Variants in PMM2 observed in about 807,000 individuals in gnomAD.
PMM2 encodes the protein mannose-6-phosphate isomerase.
In PMM2, 35 loss-of-function variants were observed where a neutral mutation model predicts 33.2. That is an observed-to-expected ratio of 1.06 (90% CI 0.81 to 1.40). PMM2 has a LOEUF of 1.40. Ranked by LOEUF, PMM2 falls within the 40% of genes most tolerant of loss-of-function variation. PMM2 has a pLI of 0.00. For missense variants in PMM2, 386 were observed against 306.0 expected (o/e 1.26, Z -1.95); for synonymous variants, 153 against 114.7 (o/e 1.33, Z -2.13).
intron 7 of PMM2, among the ~76,000 whole-genome samples, chr16:8,814,675 A>C (rs911051424): frequency 1.3e-5 from 2 of 152,204 alleles, no homozygotes; most frequent in Admixed American, 6.5e-5. Flanking sequence ...CACCAGAAGA[A>C]GTCTACCTGT....
intron 7 of PMM2, among the ~76,000 whole-genome samples, chr16:8,843,229 C>T (rs920688213): frequency 4.6e-5 from 7 of 152,086 alleles, no homozygotes; most frequent in African/African-American, 9.7e-5. Flanking sequence ...AAGAAGGCAA[C>T]ATGGAGTGGG....
intron 7 of PMM2, among the ~76,000 whole-genome samples, chr16:8,823,629 C>A (rs2060750378): frequency 1.4e-5 from 2 of 141,430 alleles, no homozygotes; most frequent in South Asian, 4.2e-4. Context: ...AACTTTGTTC[C>A]ATAAGAAATC....
rs892985576 is a variant in PMM2, at chr16:8,827,476, G to T, written c.639+14370G>T. Among the ~76,000 whole-genome samples, 24 of 150,028 alleles carry T rather than the reference G, an allele frequency of 1.6e-4. 1 individual carries two copies. Among genetic ancestry groups the T allele is most frequent in the Non-Finnish European group, 4.4e-5 (3 of 67,704 alleles). On this transcript the variant is annotated intron_variant, in intron 7 of 7. Coordinates refer to ENST00000268261, the MANE Select transcript of PMM2 (RefSeq NM_000303.3). ...AATGGCATGATCTAAGCTCACTGCA[G>T]CCTCTGCCTCCCGGGTTCAAGTGAT...
chr16:8,840,203 G>T (rs1423749699), intron 7 of PMM2, among the ~76,000 whole-genome samples: 1 of 151,790 alleles, frequency 6.6e-6, no homozygotes, highest in East Asian at 1.9e-4. Context: ...GAGAGGTAGA[G>T]GGTGGCATAA....
rs138488723 is a variant in PMM2, at chr16:8,810,390, C to A, written c.348-689C>A. The A allele has an allele frequency of 3.4e-4, 52 of 152,454 alleles. No homozygotes were observed. The East Asian group carries it at 9.6e-3, about 28-fold the overall frequency. 9.4% of individuals were successfully genotyped at this position (152,454 alleles called of 1,614,324 possible). On this transcript the variant is annotated intron_variant, in intron 4 of 7. Transcript: ENST00000268261. ...GACTGCTGTTGCCAGTGCTGGAAATCATTTTCATAGCTCTTTATTAACCAC... is the reference window on the plus strand; with the variant it reads ...GACTGCTGTTGCCAGTGCTGGAAATAATTTTCATAGCTCTTTATTAACCAC...
At chr16:8,821,883 C>G (rs2060741289) in intron 7 of PMM2, among the ~76,000 whole-genome samples, 1 of 152,260 alleles carries the variant, frequency 6.6e-6, no homozygotes, top group Non-Finnish European at 1.5e-5. Flanking sequence ...CCCAGGGACT[C>G]TAGCCAGGGA....
chr16:8,813,997 C>T (rs1036890292), intron 7 of PMM2, among the ~76,000 whole-genome samples: 1 of 151,054 alleles, frequency 6.6e-6, no homozygotes, highest in African/African-American at 2.4e-5. Flanking sequence ...CTCCTGAGTA[C>T]CTGATATTAC....
intron 7 of PMM2, among the ~76,000 whole-genome samples, chr16:8,845,427 G>C (rs143261492): frequency 6.6e-6 from 1 of 152,244 alleles, no homozygotes; most frequent in African/African-American, 2.4e-5. Context: ...TAGGGGATGC[G>C]ATGGCTTGGC....
At chr16:8,837,950 T>A (rs1432932852) in intron 7 of PMM2, among the ~76,000 whole-genome samples, 1 of 151,974 alleles carries the variant, frequency 6.6e-6, no homozygotes, top group East Asian at 1.9e-4. Context: ...GGAATTGAAA[T>A]TAAGGGAGAG....
intron 2 of PMM2, among the ~76,000 whole-genome samples, chr16:8,803,991 G>C (rs938195168): frequency 6.9e-6 from 1 of 145,760 alleles, no homozygotes. Flanking sequence ...GCCACCAAAG[G>C]TCTTTTAGTG....
intron 4 of PMM2, among the ~76,000 whole-genome samples, chr16:8,807,253 C>A (rs1200874892): frequency 6.6e-6 from 1 of 152,006 alleles, no homozygotes; most frequent in Middle Eastern, 3.4e-3. Flanking sequence ...CTGATCCACC[C>A]ACCTTGGCCT....
chr16:8,826,135 T>A (rs1029493134), intron 7 of PMM2, among the ~76,000 whole-genome samples: 8 of 152,152 alleles, frequency 5.3e-5, no homozygotes, highest in South Asian at 2.1e-4. Flanking sequence ...ATGGAAAAAA[T>A]TAAATAATAC....
At chr16:8,821,662 C>T (rs1051262846) in intron 7 of PMM2, among the ~76,000 whole-genome samples, 1 of 152,200 alleles carries the variant, frequency 6.6e-6, no homozygotes, top group African/African-American at 2.4e-5. Context: ...TGCTCAGAGC[C>T]GTCAACAGAC....
chr16:8,812,777 A>G lies in PMM2; in HGVS notation c.524-214A>G, dbSNP rs1199868975. On this transcript the variant is annotated intron_variant, in intron 6 of 7. Transcript: ENST00000268261. ...ACTCTGAGTTGGCATTCTGTGCCTCAATTTTAGACCTATGTGAAATAATGC... is the reference window on the plus strand; with the variant it reads ...ACTCTGAGTTGGCATTCTGTGCCTCGATTTTAGACCTATGTGAAATAATGC... 2.0e-5 allele frequency among the ~76,000 whole-genome samples: 3 copies of G among 152,200 alleles called. No homozygotes were observed. In the East Asian group the frequency reaches 5.8e-4, roughly 29 times the overall value.
At chr16:8,807,529 C>T (rs2060654509) in intron 4 of PMM2, 1 of 152,540 alleles carries the variant, frequency 6.6e-6, no homozygotes, top group Non-Finnish European at 1.5e-5. Context: ...GGATCTCGCC[C>T]TGTTGCCCAG....
chr16:8,811,786 T>C (rs2060679459), intron 6 of PMM2, 73 bp downstream of exon 6: 5 of 1,022,108 alleles, frequency 4.9e-6, no homozygotes, highest in Admixed American at 3.4e-5. Flanking sequence ...CAGTGAGCTA[T>C]TGATAATGAA....
intron 7 of PMM2, among the ~76,000 whole-genome samples, chr16:8,844,893 T>A (rs1295994398): frequency 6.6e-6 from 1 of 152,140 alleles, no homozygotes; most frequent in Non-Finnish European, 1.5e-5. Context: ...GATTTGAAAT[T>A]GGTGAGATGT....
intron 7 of PMM2, among the ~76,000 whole-genome samples, chr16:8,826,250 C>G (rs541312032): frequency 1.1e-4 from 16 of 152,260 alleles, no homozygotes; most frequent in African/African-American, 3.6e-4. Flanking sequence ...TGTCTTTCAA[C>G]CAAAAATAAT....
chr16:8,847,686 C>G (rs191065180), intron 7 of PMM2, 38 bp from the exon 8 acceptor site: 1 of 1,471,826 alleles, frequency 6.8e-7, no homozygotes, highest in Non-Finnish European at 9.5e-7. Context: ...CCGGGACAGA[C>G]GAGGGGGAGC....
Sources: gnomAD v4.1 joint callset for allele counts (sites outside exome capture counted in the v4.1 genomes callset) on GRCh38, gnomAD v4.1.1 for gene constraint, MANE v1.5 for transcripts, NCBI Gene and HGNC (gene_info 2026-07-23, HGNC 2026-07-21) for gene names.